The following RNF150 variants were observed in gnomAD, a reference collection of about 807,000 sequenced individuals.
RNF150 encodes the protein ring finger protein 150.
RNF150 carries 24 observed loss-of-function variants against 39.3 expected under a neutral mutation model. The ratio of observed to expected loss-of-function variants is 0.61; its 90% CI spans 0.44 to 0.86. The LOEUF is 0.86. RNF150 is among the 40% of genes least tolerant of loss of function. The probability of loss-of-function intolerance (pLI) is 0.00; values close to 1 mark genes in which losing one functional copy is unlikely to be tolerated. For synonymous variants in RNF150, 255 were observed against 227.3 expected (o/e 1.12, Z -1.10); for missense variants, 502 against 587.8 (o/e 0.85, Z 1.51).
At chr4:141,142,094 A>G (rs1228444206) in intron 1 of RNF150, among the ~76,000 whole-genome samples, 1 of 151,922 alleles carries the variant, frequency 6.6e-6, no homozygotes, top group Non-Finnish European at 1.5e-5. Flanking sequence ...TGAACGTTTT[A>G]TACCTTCCCT....
chr4:140,921,581 C>A (rs1303031066), intron 5 of RNF150, among the ~76,000 whole-genome samples: 1 of 152,096 alleles, frequency 6.6e-6, no homozygotes, highest in South Asian at 2.1e-4. Flanking sequence ...CTATTCCAAT[C>A]AATACAAAAA....
intron 2 of RNF150, among the ~76,000 whole-genome samples, chr4:140,950,985 G>C (rs982293640): frequency 1.3e-5 from 2 of 152,078 alleles, no homozygotes; most frequent in Non-Finnish European, 2.9e-5. Context: ...TAAATACCAG[G>C]AAAAACAGGA....
chr4:141,016,515 C>T lies in RNF150; in HGVS notation c.485-48642G>A, dbSNP rs76198465. 4.6e-3 allele frequency among the ~76,000 whole-genome samples: 708 copies of T among 152,346 alleles called. 5 individuals are homozygous for T. Among genetic ancestry groups the T allele is most frequent in the African/African-American group, 0.016 (677 of 41,586 alleles). ...GCACACTGCCTATATGGAGTAGTCC[C>T]GCTCTGCGGGAGCAGTCACAGAGAT... On this transcript the variant is annotated intron_variant, in intron 1 of 6. Transcript: ENST00000515673.
At chr4:141,163,349 T>C (rs1457023715) in intron 1 of RNF150, among the ~76,000 whole-genome samples, 2 of 152,194 alleles carry the variant, frequency 1.3e-5, no homozygotes, top group Admixed American at 1.3e-4. Context: ...ACAGAGCACC[T>C]GAGGGAAGCA....
chr4:141,039,427 G>A (rs373776889), intron 1 of RNF150, among the ~76,000 whole-genome samples: 1 of 151,596 alleles, frequency 6.6e-6, no homozygotes, highest in Non-Finnish European at 1.5e-5. Flanking sequence ...AAAAAAGGGA[G>A]AGGAGAAAAG....
intron 1 of RNF150, among the ~76,000 whole-genome samples, chr4:141,013,952 G>T (rs1735167418): frequency 6.6e-6 from 1 of 151,876 alleles, no homozygotes; most frequent in East Asian, 1.9e-4. Flanking sequence ...CTAAACCTTT[G>T]TACCCTTTGA....
Position 141,039,922 on chromosome 4 carries a change from G to A in RNF150, c.485-72049C>T, listed in dbSNP as rs1049225944. On this transcript the variant is annotated intron_variant, in intron 1 of 6. Coordinates refer to ENST00000515673, the MANE Select transcript of RNF150 (RefSeq NM_020724.2). ...ATAGGAAGAAGCACGTTGAGCCAATGTGCAAGTGCTAGAAAAACTCCTCCC... is the reference window on the plus strand; with the variant it reads ...ATAGGAAGAAGCACGTTGAGCCAATATGCAAGTGCTAGAAAAACTCCTCCC... Among the ~76,000 whole-genome samples the A allele has an allele frequency of 3.3e-5, 5 of 152,086 alleles. 1 individual carries two copies. Among genetic ancestry groups the A allele is most frequent in the East Asian group, 3.9e-4 (2 of 5,188 alleles).
intron 1 of RNF150, among the ~76,000 whole-genome samples, chr4:141,188,716 C>T (rs184128177): frequency 9.1e-4 from 139 of 152,322 alleles, no homozygotes; most frequent in African/African-American, 3.2e-3. Context: ...TTATGCTCTT[C>T]TCTTAACTGG....
At chr4:140,989,026 T>C (rs1734106360) in intron 1 of RNF150, among the ~76,000 whole-genome samples, 1 of 152,182 alleles carries the variant, frequency 6.6e-6, no homozygotes, top group African/African-American at 2.4e-5. Context: ...AGAAAAAGAT[T>C]GTCCTCATTT....
At chr4:140,902,007 G>A (rs913992630) in intron 6 of RNF150, among the ~76,000 whole-genome samples, 17 of 152,294 alleles carry the variant, frequency 1.1e-4, no homozygotes, top group African/African-American at 4.1e-4. Context: ...GATTTTGTTA[G>A]ATTAGGCAGA....
At chr4:141,027,912 G>GTTTTGT (rs1735766281) in intron 1 of RNF150, among the ~76,000 whole-genome samples, 1 of 27,102 alleles carries the variant, frequency 3.7e-5, no homozygotes, top group Non-Finnish European at 8.6e-5. Flanking sequence ...CTTGGAATTT[G>GTTTTGT]TTTTTTTTTT....
chr4:141,141,910 G>A (rs1727123651), intron 1 of RNF150, among the ~76,000 whole-genome samples: 1 of 152,074 alleles, frequency 6.6e-6, no homozygotes, highest in African/African-American at 2.4e-5. Flanking sequence ...AGAACATTGG[G>A]GTGACAAAAG....
rs541015139 is a variant in RNF150, at chr4:141,202,206, C to T, written c.-6+10588G>A. On this transcript the variant is annotated intron_variant, in intron 1 of 7. Transcript: ENST00000420921. ...GAATTATTTTTTATTTGTTTGTTTC[C>T]GTCTCAGAATCCAAGGAAAAATCTT... 9.9e-5 allele frequency among the ~76,000 whole-genome samples: 15 copies of T among 152,142 alleles called. No homozygotes were observed. The South Asian group carries it at 1.2e-3, about 13-fold the overall frequency.
At chr4:140,899,488 T>TCTAA (rs1349607034) in intron 6 of RNF150, among the ~76,000 whole-genome samples, 1 of 152,206 alleles carries the variant, frequency 6.6e-6, no homozygotes. Flanking sequence ...TAATTCTACA[T>TCTAA]CTAACTCTAT....
intron 6 of RNF150, among the ~76,000 whole-genome samples, chr4:140,872,299 G>A (rs113114397): frequency 6.6e-6 from 1 of 152,274 alleles, no homozygotes; most frequent in Non-Finnish European, 1.5e-5. Context: ...TAATGTAAAA[G>A]TAATATTAGC....
intron 1 of RNF150, among the ~76,000 whole-genome samples, chr4:141,006,285 C>T (rs1219598871): frequency 3.9e-5 from 5 of 128,436 alleles, no homozygotes; most frequent in Admixed American, 7.7e-5. Context: ...TACATATATA[C>T]GTATATATAT....
chr4:140,925,984 C>A lies in RNF150; in HGVS notation c.980G>T (p.Gly327Val). 6.2e-7 allele frequency: 1 copy of A among 1,610,900 alleles called. No homozygotes were observed. ...AGGCTGTGCTGTGCTTACCGGGATC[C>A]CTAGGGCTTTAAGAATGTTCATCTT... ...MCKMNILKAL[G>V]IPPNADCMDD... Residue 327 changes from glycine (G) to valine (V), a missense_variant, in exon 5 of 7, where the codon GGG becomes GTG. Physicochemically the swap from Gly to Val is moderately radical, Grantham distance 109 (BLOSUM62 -3). Coordinates refer to ENST00000515673, the MANE Select transcript of RNF150 (RefSeq NM_020724.2).
chr4:141,047,531 T>C (rs1023678010), intron 1 of RNF150, among the ~76,000 whole-genome samples: 1 of 152,148 alleles, frequency 6.6e-6, no homozygotes, highest in Admixed American at 6.5e-5. Flanking sequence ...GGATAATTGG[T>C]TATAAATCAT....
At chr4:141,000,024 A>AAGAAGAAGAAGAAGAAGAAGAAGAAGG (rs1734573590) in intron 1 of RNF150, among the ~76,000 whole-genome samples, 1 of 28,230 alleles carries the variant, frequency 3.5e-5, no homozygotes, top group Admixed American at 5.8e-4. Context: ...GAAGAAGAAG[A>AAGAAGAAGAAGAAGAAGAAGAAGAAGG]AGAAGAAGAA....
Sources: allele counts gnomAD v4.1 joint callset (sites outside exome capture counted in the v4.1 genomes callset), GRCh38; gene constraint gnomAD v4.1.1; transcripts MANE v1.5; gene names NCBI Gene and HGNC (gene_info 2026-07-23, HGNC 2026-07-21).